The following AGBL4 variants were observed in gnomAD, a reference collection of about 807,000 sequenced individuals.
AGBL4 encodes the protein AGBL carboxypeptidase 4.
A neutral mutation model predicts 66.4 loss-of-function variants in AGBL4; 58 were observed. That is an observed-to-expected ratio of 0.87 (90% CI 0.71 to 1.09). AGBL4 has a LOEUF of 1.09. Ranked by LOEUF, AGBL4 falls within the 50% of genes least tolerant of loss-of-function variation. AGBL4 has a pLI of 0.00. For synonymous variants in AGBL4, 234 were observed against 222.9 expected (o/e 1.05, Z -0.44); for missense variants, 579 against 631.0 (o/e 0.92, Z 0.88).
chr1:49,154,634 T>A (rs1237338585), intron 4 of AGBL4, among the ~76,000 whole-genome samples: 1 of 152,138 alleles, frequency 6.6e-6, no homozygotes, highest in African/African-American at 2.4e-5. Context: ...TTATTTACAT[T>A]TCAGATTTAT....
At chr1:49,248,656 A>G (rs1651823157) in intron 3 of AGBL4, among the ~76,000 whole-genome samples, 1 of 152,042 alleles carries the variant, frequency 6.6e-6, no homozygotes, top group Non-Finnish European at 1.5e-5. Context: ...CATTGTTTAC[A>G]TCCAAAATTG....
At chr1:49,928,402 C>T (rs116536051) in intron 1 of AGBL4, among the ~76,000 whole-genome samples, 1,666 of 152,148 alleles carry the variant, frequency 0.011, 27 homozygotes, top group African/African-American at 0.038. Context: ...AGGTGAGTGC[C>T]ACTGTGCCCA....
intron 2 of AGBL4, among the ~76,000 whole-genome samples, chr1:49,825,607 T>G (rs1262553250): frequency 2.0e-5 from 3 of 152,164 alleles, no homozygotes; most frequent in Admixed American, 6.5e-5. Context: ...ACATTTAAAT[T>G]AACAGATTTT....
At position 48,874,674 on chromosome 1, in the gene AGBL4, T is replaced by C. The variant is rs371932067; in HGVS notation, c.595-7444A>G. ...ATTTTCAGAACCAAGTTTCAGACAA[T>C]AAAGTGGGGCCTGTAATTATGTCAG... On this transcript the variant is annotated intron_variant, in intron 5 of 13. Transcript: ENST00000371839. 4.5e-4 allele frequency among the ~76,000 whole-genome samples: 69 copies of C among 152,118 alleles called. 1 individual carries two copies. The South Asian group carries it at 9.8e-3, about 22-fold the overall frequency.
chr1:49,823,778 A>ATGTGTG (rs10528873), intron 2 of AGBL4, among the ~76,000 whole-genome samples: 20,855 of 147,282 alleles, frequency 0.14, 2,602 homozygotes, highest in African/African-American at 0.34. Context: ...AGGCTGCATA[A>ATGTGTG]TGTGTGTGTG....
intron 1 of AGBL4, among the ~76,000 whole-genome samples, chr1:49,903,345 C>A (rs1291030785): frequency 6.6e-6 from 1 of 151,918 alleles, no homozygotes; most frequent in Non-Finnish European, 1.5e-5. Flanking sequence ...ACACCAGAGC[C>A]CACTTGAGGG....
chr1:48,882,259 A>G (rs1488847078), intron 5 of AGBL4, among the ~76,000 whole-genome samples: 2 of 152,158 alleles, frequency 1.3e-5, no homozygotes, highest in Admixed American at 1.3e-4. Context: ...CTCCCCTGTG[A>G]GTCAAAGTTC....
At chr1:49,266,629 A>ACACG (rs564548339) in intron 3 of AGBL4, among the ~76,000 whole-genome samples, 34 of 151,496 alleles carry the variant, frequency 2.2e-4, no homozygotes, top group Admixed American at 4.0e-4. Context: ...ACACACACAC[A>ACACG]CGCGAAGGTA....
chr1:49,175,524 A>G (rs1243706497), intron 4 of AGBL4, among the ~76,000 whole-genome samples: 1 of 152,128 alleles, frequency 6.6e-6, no homozygotes, highest in Non-Finnish European at 1.5e-5. Context: ...CTGAATGAAG[A>G]TCAACATTCA....
At chr1:49,939,617 T>A (rs1293125368) in intron 1 of AGBL4, among the ~76,000 whole-genome samples, 4 of 152,178 alleles carry the variant, frequency 2.6e-5, no homozygotes, top group African/African-American at 9.7e-5. Context: ...ATTCCCTATT[T>A]AATAAACGGT....
At chr1:49,508,373 A>T (rs1648887097) in intron 3 of AGBL4, among the ~76,000 whole-genome samples, 1 of 152,062 alleles carries the variant, frequency 6.6e-6, no homozygotes, top group African/African-American at 2.4e-5. Context: ...ATGTTCCAGC[A>T]TTAAAAATTA....
rs775029219 is a variant in AGBL4, at chr1:48,867,199, G to T, written c.626C>A (p.Thr209Asn). The T allele has an allele frequency of 6.2e-7, 1 of 1,613,644 alleles. No individual in the cohort carries two copies. Among genetic ancestry groups the T allele is most frequent in the Non-Finnish European group, 8.5e-7 (1 of 1,179,762 alleles). The stretch of plus-strand genomic sequence containing the variant: ...GGGCCACGCCTACTCACCAGGGCTG[G>T]TTATCGTCAGGAGGTCAAGCTTTCG... The part of the protein sequence containing the change: ...QQRKLDLLTI[T>N]SPDNLREGAE... Residue 209 changes from threonine to asparagine, a missense_variant, in exon 6 of 14, where the codon ACC becomes AAC. By Grantham distance (65) the Thr-to-Asn change is moderately conservative (BLOSUM62 0). Transcript: ENST00000371839.
intron 3 of AGBL4, among the ~76,000 whole-genome samples, chr1:49,534,722 T>G (rs1651432854): frequency 6.6e-6 from 1 of 152,224 alleles, no homozygotes; most frequent in South Asian, 2.1e-4. Context: ...CAAGGGTTTA[T>G]GAAGCTGAAC....
intron 3 of AGBL4, among the ~76,000 whole-genome samples, chr1:49,626,604 G>T (rs1645467968): frequency 6.6e-6 from 1 of 152,078 alleles, no homozygotes; most frequent in Admixed American, 6.6e-5. Context: ...TATAGTTCCA[G>T]GGTGTGTTGA....
At chr1:49,674,245 T>C (rs1368180817) in intron 3 of AGBL4, among the ~76,000 whole-genome samples, 2 of 152,024 alleles carry the variant, frequency 1.3e-5, no homozygotes, top group Non-Finnish European at 2.9e-5. Flanking sequence ...TCCAACTCTT[T>C]TGCTTTTAGG....
At chr1:48,672,887 G>A (rs916986446) in intron 6 of AGBL4, among the ~76,000 whole-genome samples, 1 of 152,208 alleles carries the variant, frequency 6.6e-6, no homozygotes, top group African/African-American at 2.4e-5. Context: ...TCAAGTAAGA[G>A]GTGGCTGAAG....
intron 6 of AGBL4, among the ~76,000 whole-genome samples, chr1:48,728,435 C>T (rs1369546045): frequency 6.7e-6 from 1 of 149,622 alleles, no homozygotes; most frequent in Non-Finnish European, 1.5e-5. Context: ...GTTTATTTTC[C>T]ATTTTCAATC....
intron 3 of AGBL4, among the ~76,000 whole-genome samples, chr1:49,467,545 A>G (rs1342637276): frequency 1.3e-5 from 2 of 151,818 alleles, no homozygotes; most frequent in Admixed American, 1.3e-4. Flanking sequence ...GGCACCATCC[A>G]CGTCAACTAT....
intron 5 of AGBL4, among the ~76,000 whole-genome samples, chr1:48,907,484 A>G (rs1405533307): frequency 2.0e-5 from 3 of 152,162 alleles, no homozygotes; most frequent in East Asian, 1.9e-4. Context: ...ATTATAATCT[A>G]TAAGTGTTCC....
Sources: gnomAD v4.1 joint callset for allele counts (sites outside exome capture counted in the v4.1 genomes callset) on GRCh38, gnomAD v4.1.1 for gene constraint, MANE v1.5 for transcripts, NCBI Gene and HGNC (gene_info 2026-07-23, HGNC 2026-07-21) for gene names.